The following SLC17A1 variants were observed in gnomAD, a reference collection of about 807,000 sequenced individuals.
SLC17A1 encodes solute carrier family 17 member 1.
A neutral mutation model predicts 53.5 loss-of-function variants in SLC17A1; 51 were observed. The ratio of observed to expected loss-of-function variants is 0.95; its 90% CI spans 0.76 to 1.20. The LOEUF is 1.20. Among genes scored for constraint, SLC17A1 ranks in the 50% most tolerant of loss-of-function variants. The probability of loss-of-function intolerance (pLI) is 0.00; values close to 1 mark genes in which losing one functional copy is unlikely to be tolerated. For missense variants in SLC17A1, 538 were observed against 568.2 expected, an observed-to-expected ratio of 0.95 and a Z score of 0.54; for synonymous variants, 179 against 198.8, an observed-to-expected ratio of 0.90 and a Z score of 0.84.
intron 12 of SLC17A1, among the ~76,000 whole-genome samples, chr6:25,789,037 T>C (rs571657536): frequency 3.3e-5 from 5 of 152,142 alleles, no homozygotes; most frequent in African/African-American, 4.8e-5. Flanking sequence ...CCTAACTTTG[T>C]CTACCTAGCA....
the SLC17A1 span, among the ~76,000 whole-genome samples, chr6:25,742,512 C>CAAAAAAAAAA: frequency 1.6e-5 from 2 of 127,144 alleles, no homozygotes; most frequent in African/African-American, 3.1e-5. Flanking sequence ...AAAAACAATA[C>CAAAAAAAAAA]AAAAAAAAAA....
chr6:25,790,986 A>G (rs1453088448), intron 12 of SLC17A1, among the ~76,000 whole-genome samples: 1 of 152,220 alleles, frequency 6.6e-6, no homozygotes, highest in Non-Finnish European at 1.5e-5. Context: ...TGAAAATACA[A>G]TGAATAAAAA....
chr6:25,796,430 T>C (rs1258204573), intron 12 of SLC17A1, among the ~76,000 whole-genome samples: 2 of 151,966 alleles, frequency 1.3e-5, no homozygotes, highest in Non-Finnish European at 2.9e-5. Context: ...AATTTCATTT[T>C]TGAGTGACGC....
At chr6:25,727,408 T>C in the SLC17A1 span, 1 of 966,442 alleles carries the variant, frequency 1.0e-6, no homozygotes, top group Non-Finnish European at 1.5e-6. Context: ...GGTTTTTTTT[T>C]TTTTTGAGGC....
the SLC17A1 span, chr6:25,773,383 T>C: frequency 2.5e-6 from 4 of 1,613,850 alleles, no homozygotes; most frequent in East Asian, 2.2e-5. Context: ...GTGTGTTCAT[T>C]GGCTCAGCAG....
the SLC17A1 span, among the ~76,000 whole-genome samples, chr6:25,769,840 C>T: frequency 1.5e-3 from 221 of 151,736 alleles, no homozygotes; most frequent in African/African-American, 4.6e-3. Flanking sequence ...TGTTTCTTTA[C>T]GAACTCTCTT....
chr6:25,786,225 ATAT>A (rs1486471702), intron 12 of SLC17A1, among the ~76,000 whole-genome samples: 1 of 152,266 alleles, frequency 6.6e-6, no homozygotes, highest in Non-Finnish European at 1.5e-5. Flanking sequence ...AGTCACAGAC[ATAT>A]TATGTAATTT....
At chr6:25,753,621 G>A in the SLC17A1 span, among the ~76,000 whole-genome samples, 1 of 152,194 alleles carries the variant, frequency 6.6e-6, no homozygotes, top group East Asian at 1.9e-4. Context: ...TGGAATTAAT[G>A]TTGATGGAAA....
chr6:25,731,349 A>G, the SLC17A1 span, among the ~76,000 whole-genome samples: 1 of 152,228 alleles, frequency 6.6e-6, no homozygotes, highest in Non-Finnish European at 1.5e-5. Flanking sequence ...TGCACACATT[A>G]TGGCCAAAGT....
At chr6:25,770,806 C>T in the SLC17A1 span, 6 of 775,402 alleles carry the variant, frequency 7.7e-6, no homozygotes, top group South Asian at 9.4e-5. Context: ...AGTGAAGGAA[C>T]CTAGATAGTT....
chr6:25,765,037 C>T, the SLC17A1 span, among the ~76,000 whole-genome samples: 1 of 152,170 alleles, frequency 6.6e-6, no homozygotes, highest in African/African-American at 2.4e-5. Context: ...TATAGCTGGG[C>T]CTCAAACCAG....
the SLC17A1 span, among the ~76,000 whole-genome samples, chr6:25,733,744 T>C: frequency 6.6e-6 from 1 of 151,698 alleles, no homozygotes. Flanking sequence ...ATACTAATAT[T>C]TTAGTATGTG....
the SLC17A1 span, among the ~76,000 whole-genome samples, chr6:25,775,450 T>G: frequency 1.3e-5 from 2 of 152,210 alleles, no homozygotes. Flanking sequence ...TCTTTCTTTC[T>G]TTTGAGACAA....
At chr6:25,765,100 A>C in the SLC17A1 span, among the ~76,000 whole-genome samples, 5 of 152,348 alleles carry the variant, frequency 3.3e-5, no homozygotes, top group South Asian at 1.0e-3. Flanking sequence ...GTCACACACA[A>C]CTGGCTTTTA....
the SLC17A1 span, chr6:25,776,700 A>C: frequency 6.2e-7 from 1 of 1,613,914 alleles, no homozygotes. Flanking sequence ...CAGACTCATC[A>C]CCATCAGGAA....
the SLC17A1 span, chr6:25,726,329 C>T: frequency 1.2e-6 from 2 of 1,614,134 alleles, no homozygotes; most frequent in South Asian, 2.2e-5. Context: ...GCATTGCCTG[C>T]CAGCTCAAGG....
At chr6:25,772,487 T>A in the SLC17A1 span, among the ~76,000 whole-genome samples, 1 of 152,174 alleles carries the variant, frequency 6.6e-6, no homozygotes, top group African/African-American at 2.4e-5. Context: ...AGAGAGCTCA[T>A]AAGATTTCTT....
intron 2 of SLC17A1, among the ~76,000 whole-genome samples, chr6:25,830,190 A>G (rs1183229124): frequency 2.0e-5 from 3 of 152,186 alleles, no homozygotes; most frequent in African/African-American, 4.8e-5. Context: ...ACTCAAGAAC[A>G]TTCATCCTGC....
chr6:25,735,527 A>C, the SLC17A1 span, among the ~76,000 whole-genome samples: 2 of 152,306 alleles, frequency 1.3e-5, no homozygotes, highest in South Asian at 4.1e-4. Flanking sequence ...GACTGAATTC[A>C]AGTACCCAAA....
Sources: allele counts gnomAD v4.1 joint callset (sites outside exome capture counted in the v4.1 genomes callset), GRCh38; gene constraint gnomAD v4.1.1; transcripts MANE v1.5; gene names NCBI Gene and HGNC (gene_info 2026-07-23, HGNC 2026-07-21).